The following EZR variants were observed in gnomAD, a reference collection of about 807,000 sequenced individuals.
EZR encodes the protein cytovillin 2.
Under a neutral mutation model 74.8 loss-of-function variants are expected in EZR, and 40 were observed. The ratio of observed to expected loss-of-function variants is 0.53; its 90% confidence interval spans 0.42 to 0.70. The LOEUF (loss-of-function observed/expected upper bound fraction) is 0.70. Among genes scored for constraint, EZR ranks in the 30% least tolerant of loss-of-function variants. EZR has a pLI of 0.00. For synonymous variants in EZR, 341 were observed against 283.3 expected (o/e 1.20, Z -2.05); for missense variants, 678 against 755.8 (o/e 0.90, Z 1.21).
At chr6:158,818,621 G>A (rs890839537) in intron 1 of EZR, among the ~76,000 whole-genome samples, 2 of 150,018 alleles carry the variant, frequency 1.3e-5, no homozygotes, top group African/African-American at 4.9e-5. Context: ...CGGGCGGGGA[G>A]GGGTCTGGGG....
At chr6:158,779,452 A>G (rs528704852) in intron 7 of EZR, among the ~76,000 whole-genome samples, 21 of 152,276 alleles carry the variant, frequency 1.4e-4, no homozygotes, top group African/African-American at 4.8e-4. Context: ...TAATTTTCTT[A>G]TCTTGGTATT....
chr6:158,794,843 C>T (rs1040554349), intron 2 of EZR, among the ~76,000 whole-genome samples: 6 of 152,136 alleles, frequency 3.9e-5, no homozygotes, highest in Admixed American at 2.6e-4. Flanking sequence ...TTAAGTTTAA[C>T]TTTACTCCTG....
At chr6:158,798,226 G>A (rs1333917014) in intron 2 of EZR, among the ~76,000 whole-genome samples, 1 of 149,424 alleles carries the variant, frequency 6.7e-6, no homozygotes, top group Non-Finnish European at 1.5e-5. Context: ...ACCCATTCAG[G>A]TGATGGACAT....
chr6:158,810,685 T>C (rs1049545406), intron 2 of EZR, among the ~76,000 whole-genome samples: 4 of 152,204 alleles, frequency 2.6e-5, no homozygotes, highest in Non-Finnish European at 5.9e-5. Context: ...ATATTGCTTT[T>C]TCCTTGAGAA....
chr6:158,783,591 T>C lies in EZR; in HGVS notation c.627A>G (p.Lys209=). 1.2e-6 allele frequency: 2 copies of C among 1,613,758 alleles called. No individual in the cohort carries two copies. Among genetic ancestry groups the C allele is most frequent in the Non-Finnish European group, 8.5e-7 (1 of 1,179,926 alleles). Residue 209 remains lysine (K), a synonymous_variant, in exon 7 of 14, where the codon AAA becomes AAG. Transcript: ENST00000367075. ...GCCAAAGGTCTGTTCCTTTCTTGTT[T>C]TTTATCTCGAAATAGTTGATTCCAT... The part of the protein sequence containing the change: ...EMYGINYFEI[K]NKKGTDLWLG...
At chr6:158,793,757 G>A (rs1791803072) in intron 2 of EZR, among the ~76,000 whole-genome samples, 1 of 152,164 alleles carries the variant, frequency 6.6e-6, no homozygotes, top group African/African-American at 2.4e-5. Flanking sequence ...GGAAAAGGGA[G>A]GAGATCCTCC....
At chr6:158,783,313 C>T (rs752803549) in intron 7 of EZR, among the ~76,000 whole-genome samples, 6 of 150,426 alleles carry the variant, frequency 4.0e-5, no homozygotes, top group Admixed American at 3.3e-4. Flanking sequence ...CTATCGGCCC[C>T]GCCCACCATG....
chr6:158,785,958 G>A (rs753274441), intron 4 of EZR, among the ~76,000 whole-genome samples: 2 of 152,154 alleles, frequency 1.3e-5, no homozygotes, highest in East Asian at 3.8e-4. Context: ...AAGCTGAGCA[G>A]GAGGAACCCT....
In EZR at chr6:158,817,963, G is replaced by A. The variant is rs77641517; in HGVS notation, c.12+119C>T. On this transcript the variant is annotated intron_variant, in intron 2 of 13. Coordinates refer to ENST00000367075, the MANE Select transcript of EZR (RefSeq NM_001111077.2). The stretch of plus-strand genomic sequence containing the variant: ...GCGAAAACCTCCTCCTATTCCTATC[G>A]TCTTCTGCGTGTGAGAAGAACCCTG... The A allele has an allele frequency of 1.4e-3, 1,352 of 943,558 alleles. 22 individuals are homozygous for A. In the East Asian group the frequency reaches 0.03, roughly 21 times the overall value. 58.4% of individuals were successfully genotyped at this position (943,558 alleles called of 1,614,324 possible). A position where few individuals can be genotyped will look rare whatever the true frequency, so the allele number is the denominator to read the frequency against.
chr6:158,817,241 C>A (rs536596485), intron 2 of EZR, among the ~76,000 whole-genome samples: 2 of 152,282 alleles, frequency 1.3e-5, no homozygotes, highest in Admixed American at 1.3e-4. Flanking sequence ...AAACCTTCCC[C>A]CTAATGTCTA....
In EZR at chr6:158,766,146, C is replaced by A. The variant is rs1583547393; in HGVS notation, c.*768G>T. 1 of 152,560 alleles carries A rather than the reference C, an allele frequency of 6.6e-6. No homozygotes were observed. The highest frequency in any genetic ancestry group is 1.5e-5 in the Non-Finnish European group (1 of 68,008). The allele number at this position is 152,560 out of a possible 1,614,324, so 9.5% of individuals were successfully genotyped here. A position where few individuals can be genotyped will look rare whatever the true frequency, so the allele number is the denominator to read the frequency against. On this transcript the variant is annotated 3_prime_UTR_variant, in exon 14 of 14. Coordinates refer to ENST00000367075, the MANE Select transcript of EZR (RefSeq NM_001111077.2). ...TTTAGAGGGTTTTTCATATGTAATT[C>A]TTTTATTCTGTAAAAGGTAACAAAA...
rs1386331073 is a variant in EZR, at chr6:158,766,373, G to T, written c.*541C>A. ...CACGCTGGTGATCACTGTGCTCTCT[G>T]CCAGCTGCGTGGAGTGACGGGAGGA... On this transcript the variant is annotated 3_prime_UTR_variant, in exon 14 of 14. Transcript: ENST00000367075. 1.3e-5 allele frequency: 2 copies of T among 152,410 alleles called. No individual in the cohort carries two copies. The highest frequency in any genetic ancestry group is 4.8e-5 in the African/African-American group (2 of 41,314). 9.4% of individuals were successfully genotyped at this position (152,410 alleles called of 1,614,324 possible). A position where few individuals can be genotyped will look rare whatever the true frequency, so the allele number is the denominator to read the frequency against.
At chr6:158,767,201 A>C in intron 13 of EZR, 60 bp downstream of exon 13, 1 of 1,584,358 alleles carries the variant, frequency 6.3e-7, no homozygotes, top group Non-Finnish European at 8.6e-7. Flanking sequence ...TGCCCTCCCC[A>C]AGCCTGTCTG....
Position 158,785,340 on chromosome 6 carries a change from A to T in EZR, c.436T>A (p.Tyr146Asn). Residue 146 changes from tyrosine (Y) to asparagine (N), a missense_variant, in exon 5 of 14, where the codon TAC becomes AAC. Transcript: ENST00000367075. ...GGGATCAGCCGCTCAGAGCTGAGGT[A>T]CCCAGACTTGTGCACTTCTTTGTTG... Reference protein sequence around the residue: ...DYNKEVHKSGYLSSERLIPQR... With the variant: ...DYNKEVHKSGNLSSERLIPQR... 6.2e-7 allele frequency: 1 copy of T among 1,614,160 alleles called. No individual in the cohort carries two copies. Among genetic ancestry groups the T allele is most frequent in the East Asian group, 2.2e-5 (1 of 44,882 alleles).
intron 7 of EZR, among the ~76,000 whole-genome samples, chr6:158,782,662 C>T (rs1024043381): frequency 2.0e-5 from 3 of 152,190 alleles, no homozygotes; most frequent in South Asian, 4.1e-4. Context: ...TGATTTGTTT[C>T]GGGGAGCCCT....
chr6:158,801,070 G>A (rs1428668392), intron 2 of EZR, among the ~76,000 whole-genome samples: 1 of 152,200 alleles, frequency 6.6e-6, no homozygotes, highest in African/African-American at 2.4e-5. Flanking sequence ...AGGAGGTCGA[G>A]CCTGCAGTGA....
At chr6:158,815,285 G>C (rs1320496715) in intron 2 of EZR, among the ~76,000 whole-genome samples, 1 of 152,152 alleles carries the variant, frequency 6.6e-6, no homozygotes, top group African/African-American at 2.4e-5. Flanking sequence ...CTTAAGAAAT[G>C]TCATATTCAA....
intron 2 of EZR, among the ~76,000 whole-genome samples, chr6:158,802,931 C>T (rs971397619): frequency 2.0e-5 from 3 of 151,214 alleles, no homozygotes; most frequent in Non-Finnish European, 2.9e-5. Context: ...TCCTACCCTG[C>T]GATTCTCCTG....
chr6:158,783,788 G>T, intron 6 of EZR, 122 bp from the exon 7 acceptor site: 1 of 1,100,864 alleles, frequency 9.1e-7, no homozygotes, highest in Non-Finnish European at 1.3e-6. Context: ...GCTGTGTGCT[G>T]CGTGCAGGCA....
Sources: allele counts gnomAD v4.1 joint callset (sites outside exome capture counted in the v4.1 genomes callset), GRCh38; gene constraint gnomAD v4.1.1; transcripts MANE v1.5; gene names NCBI Gene and HGNC (gene_info 2026-07-23, HGNC 2026-07-21).